Variants in NRG1 observed in about 807,000 individuals in gnomAD.
NRG1 encodes neuregulin 1, also known as pro-neuregulin-1, membrane-bound isoform.
Under a neutral mutation model 63.8 loss-of-function variants are expected in NRG1, and 18 were observed. The ratio of observed to expected loss-of-function variants is 0.28; its 90% CI spans 0.19 to 0.42. NRG1 has a LOEUF of 0.42. NRG1 is among the 10% of genes least tolerant of loss of function. NRG1 has a pLI of 1.00. For missense variants in NRG1, 762 were observed against 814.7 expected, an observed-to-expected ratio of 0.94 and a Z score of 0.79; for synonymous variants, 302 against 301.3, an observed-to-expected ratio of 1.00 and a Z score of -0.02.
At chr8:32,698,794 A>G (rs911796232) in intron 5 of NRG1, among the ~76,000 whole-genome samples, 1 of 152,164 alleles carries the variant, frequency 6.6e-6, no homozygotes, top group Non-Finnish European at 1.5e-5. Context: ...TGAAATTGAA[A>G]CAATAAAACC....
intron 1 of NRG1, among the ~76,000 whole-genome samples, chr8:32,551,269 C>T (rs1834049595): frequency 6.6e-6 from 1 of 152,222 alleles, no homozygotes; most frequent in Non-Finnish European, 1.5e-5. Flanking sequence ...CAAATTAGGA[C>T]TTAGGAGGAC....
intron 1 of NRG1, among the ~76,000 whole-genome samples, chr8:32,234,545 C>T (rs563834132): frequency 7.9e-5 from 12 of 152,260 alleles, no homozygotes; most frequent in East Asian, 7.7e-4. Flanking sequence ...CATATTTGCT[C>T]GCTCTACATT....
At chr8:32,466,901 T>G (rs1027093343) in intron 1 of NRG1, among the ~76,000 whole-genome samples, 1 of 152,084 alleles carries the variant, frequency 6.6e-6, no homozygotes, top group Admixed American at 6.6e-5. Context: ...AATGATAATA[T>G]TATTACTAAT....
chr8:31,705,457 A>C (rs1364969956), intron 1 of NRG1, among the ~76,000 whole-genome samples: 3 of 152,114 alleles, frequency 2.0e-5, no homozygotes, highest in Admixed American at 1.3e-4. Context: ...TCCTTTACCC[A>C]ATCTTGCCAC....
chr8:31,703,325 T>C (rs1376760603), intron 1 of NRG1, among the ~76,000 whole-genome samples: 2 of 152,014 alleles, frequency 1.3e-5, no homozygotes, highest in East Asian at 3.9e-4. Flanking sequence ...GGAGCAGATG[T>C]TTATTCCTAA....
chr8:32,163,462 C>G (rs566734423), intron 1 of NRG1, among the ~76,000 whole-genome samples: 31 of 152,230 alleles, frequency 2.0e-4, no homozygotes, highest in African/African-American at 7.2e-4. Context: ...AAAACACAAG[C>G]ATCAATGTTG....
At chr8:32,682,054 A>G (rs570391441) in intron 5 of NRG1, among the ~76,000 whole-genome samples, 1 of 152,264 alleles carries the variant, frequency 6.6e-6, no homozygotes, top group Non-Finnish European at 1.5e-5. Context: ...AAATGTTACT[A>G]TTTTCATTGA....
rs527377503 is a variant in NRG1 at position 31,912,238 on chromosome 8, T to C, written c.37+272807T>C. On this transcript the variant is annotated intron_variant, in intron 1 of 10. Coordinates refer to the NRG1 transcript ENST00000519301. Reference sequence around the variant, plus strand: ...ATAAAATGCGCTGATGTGTTTATGATTGATAACTGTTTTTTGTCAGCTTTT... The same window carrying C: ...ATAAAATGCGCTGATGTGTTTATGACTGATAACTGTTTTTTGTCAGCTTTT... Among the ~76,000 whole-genome samples the C allele has an allele frequency of 3.3e-5, 5 of 152,300 alleles. No homozygotes were observed. The East Asian group carries it at 5.8e-4, about 18-fold the overall frequency.
At chr8:32,610,779 G>A (rs1279985606) in intron 3 of NRG1, among the ~76,000 whole-genome samples, 4 of 152,056 alleles carry the variant, frequency 2.6e-5, no homozygotes, top group Non-Finnish European at 5.9e-5. Context: ...AATTACTTCT[G>A]GGACAATGTA....
intron 1 of NRG1, among the ~76,000 whole-genome samples, chr8:32,157,921 T>C (rs761150414): frequency 3.3e-5 from 5 of 152,092 alleles, no homozygotes; most frequent in Non-Finnish European, 7.4e-5. Context: ...TTCTCAAAGA[T>C]TGATTATTCT....
At chr8:32,454,671 G>A (rs898659710) in intron 1 of NRG1, among the ~76,000 whole-genome samples, 3 of 148,484 alleles carry the variant, frequency 2.0e-5, no homozygotes, top group Non-Finnish European at 4.4e-5. Flanking sequence ...GAGATTACAG[G>A]CATGAGCCAC....
intron 1 of NRG1, among the ~76,000 whole-genome samples, chr8:32,494,871 C>T (rs920532884): frequency 2.0e-5 from 3 of 152,090 alleles, no homozygotes; most frequent in African/African-American, 4.8e-5. Flanking sequence ...TCTTCAAATA[C>T]GGTATGCGTC....
intron 1 of NRG1, among the ~76,000 whole-genome samples, chr8:31,884,606 T>TA (rs1339463183): frequency 6.6e-6 from 1 of 152,086 alleles, no homozygotes; most frequent in Non-Finnish European, 1.5e-5. Context: ...TAAATTTATG[T>TA]AAAAAAATGA....
intron 1 of NRG1, among the ~76,000 whole-genome samples, chr8:32,174,625 T>C (rs1221901110): frequency 2.6e-5 from 4 of 151,644 alleles, no homozygotes; most frequent in Admixed American, 2.6e-4. Flanking sequence ...ATCAAATAGA[T>C]GCAATAAAAA....
rs190453832 is a variant in NRG1, at chr8:32,420,187, G to A, written c.38-175641G>A. ...GTGACCATCAGCTGGAAGAAGCCAA[G>A]TGCGTACAGCTCCCGGTGGGGTGGC... On this transcript the variant is annotated intron_variant, in intron 1 of 10. Transcript: ENST00000519301. 1.7e-3 allele frequency among the ~76,000 whole-genome samples: 264 copies of A among 152,302 alleles called. 1 individual carries two copies. The highest frequency in any genetic ancestry group is 6.1e-3 in the African/African-American group (255 of 41,562).
At chr8:31,931,028 A>G (rs1185215429) in intron 1 of NRG1, among the ~76,000 whole-genome samples, 2 of 152,064 alleles carry the variant, frequency 1.3e-5, no homozygotes, top group Admixed American at 6.6e-5. Flanking sequence ...ATGCTCATCA[A>G]TGTTGTAGAG....
chr8:32,079,476 ACTTACCT>A (rs1329788143), intron 1 of NRG1, among the ~76,000 whole-genome samples: 4 of 152,176 alleles, frequency 2.6e-5, no homozygotes, highest in Non-Finnish European at 5.9e-5. Flanking sequence ...ATACTAATTA[ACTTACCT>A]AGAATCGAGG....
At chr8:32,221,685 A>ATAT (rs1338197231) in intron 1 of NRG1, among the ~76,000 whole-genome samples, 2 of 152,100 alleles carry the variant, frequency 1.3e-5, no homozygotes. Flanking sequence ...ATTACAGCAT[A>ATAT]TATTGATTGG....
intron 1 of NRG1, among the ~76,000 whole-genome samples, chr8:32,448,761 C>A (rs532251364): frequency 9.2e-5 from 14 of 152,228 alleles, no homozygotes; most frequent in African/African-American, 2.9e-4. Flanking sequence ...CCAGGGGTCC[C>A]CCCTGCCACT....
Sources: allele counts gnomAD v4.1 joint callset (sites outside exome capture counted in the v4.1 genomes callset), GRCh38; gene constraint gnomAD v4.1.1; transcripts MANE v1.5; gene names NCBI Gene and HGNC (gene_info 2026-07-23, HGNC 2026-07-21).